PCDHA9: variants seen among roughly 807,000 people sequenced by gnomAD.
PCDHA9 encodes the protein protocadherin alpha 9.
PCDHA9 carries 62 observed loss-of-function variants against 62.0 expected under a neutral mutation model. That is an observed-to-expected ratio of 1.00 (90% CI 0.81 to 1.23). PCDHA9 has a LOEUF of 1.23. Among genes scored for constraint, PCDHA9 ranks in the 50% most tolerant of loss-of-function variants. PCDHA9 has a pLI of 0.00. For missense variants in PCDHA9, 1,205 were observed against 1,249.8 expected, an observed-to-expected ratio of 0.96 and a Z score of 0.54; for synonymous variants, 557 against 567.6, an observed-to-expected ratio of 0.98 and a Z score of 0.27.
At chr5:140,926,613 C>T (rs868988407) in intron 1 of PCDHA9, 87 of 374,818 alleles carry the variant, frequency 2.3e-4, no homozygotes, top group Middle Eastern at 2.1e-3. Context: ...GTCTCTGCAC[C>T]CCTAGGCGGC....
At chr5:140,881,382 C>T (rs1312033271) in intron 1 of PCDHA9, 2 of 983,994 alleles carry the variant, frequency 2.0e-6, no homozygotes, top group Non-Finnish European at 2.4e-6. Flanking sequence ...CAGCCGGCGG[C>T]GGTAAGTTAA....
intron 1 of PCDHA9, among the ~76,000 whole-genome samples, chr5:140,949,671 G>A (rs1316716969): frequency 6.6e-6 from 1 of 151,584 alleles, no homozygotes. Context: ...TTTAAAGTAT[G>A]CCCTTGTTGA....
intron 1 of PCDHA9, among the ~76,000 whole-genome samples, chr5:140,888,380 A>G (rs1348796416): frequency 6.6e-6 from 1 of 152,192 alleles, no homozygotes; most frequent in East Asian, 1.9e-4. Context: ...GAGCTCTGAG[A>G]TGCTGCTAAA....
chr5:140,926,705 G>A (rs1269250825), intron 1 of PCDHA9: 2 of 849,690 alleles, frequency 2.4e-6, no homozygotes, highest in Non-Finnish European at 3.3e-6. Context: ...GCTCCCAGCT[G>A]GCCAGCCCCG....
intron 1 of PCDHA9, chr5:140,969,611 A>G: frequency 1.4e-6 from 1 of 723,476 alleles, no homozygotes; most frequent in Non-Finnish European, 2.2e-6. Flanking sequence ...TAAAACACAG[A>G]TTTGTAGAGA....
intron 1 of PCDHA9, among the ~76,000 whole-genome samples, chr5:140,926,200 G>A (rs1050721250): frequency 6.6e-6 from 1 of 151,674 alleles, no homozygotes; most frequent in Non-Finnish European, 1.5e-5. Context: ...ACTTCTTTCG[G>A]GGGGCTCCTG....
At position 140,857,660 on chromosome 5, in the gene PCDHA9, G is replaced by A. The variant is rs368920437; in HGVS notation, c.2394+6771G>A. 9 of 1,596,734 alleles carry A rather than the reference G, an allele frequency of 5.6e-6. 1 individual carries two copies. Among genetic ancestry groups the A allele is most frequent in the Non-Finnish European group, 7.7e-6 (9 of 1,167,798 alleles). On this transcript the variant is annotated intron_variant, in intron 1 of 3. Coordinates refer to ENST00000532602, the MANE Select transcript of PCDHA9 (RefSeq NM_031857.2). ...GCTACAGTTCCAGGTGAGCGCGCGC[G>A]ATGGGGGCGTGCCGCCTCTGGGCAG...
intron 1 of PCDHA9, among the ~76,000 whole-genome samples, chr5:140,948,219 T>G (rs1285446038): frequency 6.6e-6 from 1 of 151,682 alleles, no homozygotes; most frequent in Non-Finnish European, 1.5e-5. Context: ...CAAACATTGT[T>G]AGATTTAACT....
intron 1 of PCDHA9, chr5:140,864,379 T>G (rs991413766): frequency 6.6e-6 from 1 of 152,364 alleles, no homozygotes; most frequent in African/African-American, 2.4e-5. Flanking sequence ...TCGATAAGTT[T>G]ATCTCTCACA....
intron 1 of PCDHA9, chr5:140,853,828 C>T: frequency 2.0e-6 from 2 of 986,484 alleles, no homozygotes; most frequent in South Asian, 9.5e-5. Flanking sequence ...TCTCATACAA[C>T]CGAAATTTTA....
chr5:140,876,699 G>A, intron 1 of PCDHA9: 1 of 1,614,228 alleles, frequency 6.2e-7, no homozygotes, highest in Non-Finnish European at 8.5e-7. Context: ...CGTTGGTGCT[G>A]GACAGCGCCC....
Position 140,957,818 on chromosome 5 carries a change from A to T in PCDHA9, c.2395-21131A>T, listed in dbSNP as rs568420954. On this transcript the variant is annotated intron_variant, in intron 1 of 3. Transcript: ENST00000532602. ...GTTAAGTAAAAAAAAGTCACAAATT[A>T]AGAGAAAGTGTTAATTGATTTGAGA... Among the ~76,000 whole-genome samples the T allele has an allele frequency of 9.3e-4, 141 of 151,940 alleles. 1 individual carries two copies. Among genetic ancestry groups the T allele is most frequent in the African/African-American group, 2.9e-3 (121 of 41,526 alleles).
chr5:140,871,656 A>C, intron 1 of PCDHA9: 1 of 1,231,284 alleles, frequency 8.1e-7, no homozygotes, highest in Non-Finnish European at 1.1e-6. Flanking sequence ...AATGATACAC[A>C]TCTTCAGTCT....
At chr5:140,892,945 T>C (rs1554185456) in intron 1 of PCDHA9, among the ~76,000 whole-genome samples, 3 of 152,336 alleles carry the variant, frequency 2.0e-5, no homozygotes, top group South Asian at 2.1e-4. Flanking sequence ...AGCACAATAC[T>C]ACTTCCATGA....
chr5:140,926,880 G>A lies in PCDHA9; in HGVS notation c.2395-52069G>A. 4 of 1,534,946 alleles carry A rather than the reference G, an allele frequency of 2.6e-6. No homozygotes were observed. The South Asian group carries it at 3.8e-5, about 15-fold the overall frequency. On this transcript the variant is annotated intron_variant, in intron 1 of 3. Transcript: ENST00000532602. ...TGTAGCGTGTTGGTGGAACGTGGAC[G>A]CCTAGAGGGAGGATGGTGGGCTGTG...
In PCDHA9 at chr5:140,883,730, G is replaced by A. The variant is rs140457638; in HGVS notation, c.2394+32841G>A. On this transcript the variant is annotated intron_variant, in intron 1 of 3. Transcript: ENST00000532602. ...TCAGGACGCGGACGCACAGGAGAAC[G>A]CGCTGGTCTCCTACTCGCTGGTGGA... The A allele has an allele frequency of 3.7e-6, 6 of 1,613,412 alleles. No individual in the cohort carries two copies. In the African/African-American group the frequency reaches 6.7e-5, roughly 18 times the overall value.
At chr5:141,007,161 G>C (rs2098308747) in intron 3 of PCDHA9, among the ~76,000 whole-genome samples, 1 of 152,146 alleles carries the variant, frequency 6.6e-6, no homozygotes, top group Non-Finnish European at 1.5e-5. Context: ...TCAAAGAACA[G>C]TCAGAGAGAA....
intron 1 of PCDHA9, among the ~76,000 whole-genome samples, chr5:140,943,822 A>T (rs2093570990): frequency 6.6e-6 from 1 of 152,220 alleles, no homozygotes; most frequent in Non-Finnish European, 1.5e-5. Context: ...GAAGAAAATG[A>T]GTTGATTGAA....
At chr5:140,888,645 C>A (rs1275572541) in intron 1 of PCDHA9, among the ~76,000 whole-genome samples, 2 of 152,200 alleles carry the variant, frequency 1.3e-5, no homozygotes, top group African/African-American at 4.8e-5. Context: ...GCAATACTTT[C>A]CTGAGGACAC....
Sources: allele counts gnomAD v4.1 joint callset (sites outside exome capture counted in the v4.1 genomes callset), GRCh38; gene constraint gnomAD v4.1.1; transcripts MANE v1.5; gene names NCBI Gene and HGNC (gene_info 2026-07-23, HGNC 2026-07-21).